LAMP2: variants seen among roughly 807,000 people sequenced by gnomAD.
The protein encoded by LAMP2 is lysosome associated membrane protein 2, also known as lysosome-associated membrane glycoprotein 2.
In LAMP2, 4 loss-of-function variants were observed where a neutral mutation model predicts 25.6. The ratio of observed to expected loss-of-function variants is 0.16; its 90% CI spans 0.08 to 0.36. The LOEUF is 0.36. Ranked by LOEUF, LAMP2 falls within the 10% of genes least tolerant of loss-of-function variation. LAMP2 has a pLI of 1.00. For synonymous variants in LAMP2, 108 were observed against 112.7 expected (o/e 0.96, Z 0.27); for missense variants, 272 against 301.4 (o/e 0.90, Z 0.72).
chrX:120,464,161 T>A (rs1204090520), intron 1 of LAMP2, among the ~76,000 whole-genome samples: 1 of 111,675 alleles, frequency 9.0e-6, no homozygotes, highest in East Asian at 2.8e-4. Flanking sequence ...CGGAGGTATA[T>A]CTGAAGGAGT....
At chrX:120,446,775 T>C (rs954667070) in intron 5 of LAMP2, among the ~76,000 whole-genome samples, 2 of 111,576 alleles carry the variant, frequency 1.8e-5, no homozygotes, top group East Asian at 2.8e-4. Context: ...GAGTGGAACA[T>C]TGCAACTAGA....
chrX:120,430,198 T>A lies in LAMP2; in HGVS notation c.*1125A>T. 1 of 754,011 alleles carries A rather than the reference T, an allele frequency of 1.3e-6. No individual in the cohort carries two copies. The highest frequency in any genetic ancestry group is 1.6e-6 in the Non-Finnish European group (1 of 638,715). The allele number at this position is 754,011 out of a possible 1,213,427, so 62.1% of individuals were successfully genotyped here. On this transcript the variant is annotated 3_prime_UTR_variant, in exon 9 of 9. Coordinates refer to ENST00000200639, the MANE Select transcript of LAMP2 (RefSeq NM_002294.3). ...TAGTCTATTAAGCCTTCCTTCTTTA[T>A]CTATGTTTCATGTCTGTGCTACTCT...
chrX:120,465,657 T>C (rs1569373498), intron 1 of LAMP2, among the ~76,000 whole-genome samples: 1 of 111,945 alleles, frequency 8.9e-6, no homozygotes, highest in Non-Finnish European at 1.9e-5. Context: ...AGTTATAAAG[T>C]TACAAAGTCA....
Position 120,427,304 on chromosome X carries a change from G to A in LAMP2, c.*4019C>T, listed in dbSNP as rs1430103377. On this transcript the variant is annotated 3_prime_UTR_variant, in exon 9 of 9. Transcript: ENST00000200639. ...GTACAAAGCAGCCATTTGAACCCTA[G>A]ACAACTTCAACACTGCTTCCAAATA... Among the ~76,000 whole-genome samples the A allele has an allele frequency of 9.0e-6, 1 of 111,313 alleles. No individual in the cohort carries two copies. The highest frequency in any genetic ancestry group is 3.8e-4 in the South Asian group (1 of 2,661).
At chrX:120,446,225 C>A in intron 6 of LAMP2, 80 bp downstream of exon 6, 1 of 932,577 alleles carries the variant, frequency 1.1e-6, no homozygotes, top group Non-Finnish European at 1.5e-6. Context: ...CTAAATACCC[C>A]CCTCCCCCCA....
At chrX:120,441,242 G>C (rs73639312) in intron 8 of LAMP2, among the ~76,000 whole-genome samples, 8,251 of 111,861 alleles carry the variant, frequency 0.074, 728 homozygotes, top group African/African-American at 0.25. Context: ...TTCAAAAAGC[G>C]TCATTCACAC....
rs757173953 is a variant in LAMP2 at position 120,431,199 on chromosome X, GGATT to G, written c.*120_*123del. Reference sequence around the variant, plus strand: ...AATAAAGACTGATCTCAAAATGCTGGGATTGATAAAAGAATTAAAGTTTCAACAT... The same window carrying G: ...AATAAAGACTGATCTCAAAATGCTGGGATAAAAGAATTAAAGTTTCAACAT... On this transcript the variant is annotated 3_prime_UTR_variant, in exon 9 of 9. Transcript: ENST00000200639. 2.5e-6 allele frequency: 3 copies of G among 1,176,914 alleles called. No homozygotes were observed. Among genetic ancestry groups the G allele is most frequent in the African/African-American group, 1.8e-5 (1 of 56,140 alleles).
intron 8 of LAMP2, among the ~76,000 whole-genome samples, chrX:120,436,164 ACACACACTCTCT>A (rs1228576636): frequency 2.3e-5 from 2 of 85,695 alleles, no homozygotes; most frequent in East Asian, 7.5e-4. Context: ...ACACACACAC[ACACACACTCTCT>A]CTCTCTCTCT....
intron 8 of LAMP2, among the ~76,000 whole-genome samples, chrX:120,434,200 T>C (rs2058533470): frequency 1.8e-5 from 2 of 112,203 alleles, no homozygotes; most frequent in African/African-American, 6.5e-5. Context: ...AGTAGATTAA[T>C]TTCTTATTCT....
intron 1 of LAMP2, among the ~76,000 whole-genome samples, chrX:120,464,201 G>A (rs915082442): frequency 2.7e-5 from 3 of 111,372 alleles, no homozygotes; most frequent in East Asian, 2.8e-4. Flanking sequence ...TATTATATGG[G>A]ATTATACATT....
intron 3 of LAMP2, among the ~76,000 whole-genome samples, chrX:120,450,758 AAC>A (rs971613008): frequency 2.7e-5 from 3 of 110,946 alleles, no homozygotes; most frequent in African/African-American, 9.8e-5. Flanking sequence ...TCAAAAAAGT[AAC>A]ACAAACATTA....
rs748245402 is a variant in LAMP2, at chrX:120,437,125, C to A, written c.1093+4605G>T. 134 of 745,888 alleles carry A rather than the reference C, an allele frequency of 1.8e-4. No individual in the cohort carries two copies. The African/African-American group carries it at 3.0e-3, about 16-fold the overall frequency. 61.5% of individuals were successfully genotyped at this position (745,888 alleles called of 1,213,427 possible). On this transcript the variant is annotated intron_variant, in intron 8 of 8. Transcript: ENST00000200639. ...TAAGAAGTGTTTTAAGCTGGTAATGCAGCTCGCTGTAGCTCTAAGAGAGGG... is the reference window on the plus strand; with the variant it reads ...TAAGAAGTGTTTTAAGCTGGTAATGAAGCTCGCTGTAGCTCTAAGAGAGGG...
At chrX:120,457,768 A>G (rs1339565126) in intron 1 of LAMP2, among the ~76,000 whole-genome samples, 1 of 112,808 alleles carries the variant, frequency 8.9e-6, no homozygotes, top group East Asian at 2.8e-4. Flanking sequence ...TCTTCACTGT[A>G]TCACACATTA....
chrX:120,446,575 A>T (rs1169328274), intron 5 of LAMP2, 148 bp from the exon 6 acceptor site: 30 of 604,976 alleles, frequency 5.0e-5, no homozygotes, highest in Non-Finnish European at 8.1e-5. Flanking sequence ...TTCACTTTCA[A>T]ACAAAGTTGG....
At chrX:120,456,797 T>A in intron 1 of LAMP2, 28 bp from the exon 2 acceptor site, 4 of 856,881 alleles carry the variant, frequency 4.7e-6, no homozygotes, top group Non-Finnish European at 6.7e-6. Flanking sequence ...AATAATATTT[T>A]AAAATTGTAC....
Position 120,426,308 on chromosome X carries a change from T to G in LAMP2, c.*5015A>C, listed in dbSNP as rs1412417057. Among the ~76,000 whole-genome samples, 1 of 105,541 alleles carries G rather than the reference T, an allele frequency of 9.5e-6. No homozygotes were observed. Among genetic ancestry groups the G allele is most frequent in the Non-Finnish European group, 1.9e-5 (1 of 51,432 alleles). The allele number at this position is 105,541 out of a possible 115,157, so 91.6% of individuals were successfully genotyped here. On this transcript the variant is annotated 3_prime_UTR_variant, in exon 9 of 9. Transcript: ENST00000200639. Reference sequence around the variant, plus strand: ...TTTAGTTAGCAGCAAGCATCAGTTCTTCCAAAGCAGCTTAGGTGAAAAACA... The same window carrying G: ...TTTAGTTAGCAGCAAGCATCAGTTCGTCCAAAGCAGCTTAGGTGAAAAACA...
rs747959447 is a variant in LAMP2 at position 120,429,328 on chromosome X, C to T, written c.*1995G>A. On this transcript the variant is annotated 3_prime_UTR_variant, in exon 9 of 9. Transcript: ENST00000200639. ...GATTCAGACAGAACTGTGTTTAAAT[C>T]TTGACTCCTTCCAGTACTAGCCAAA... 5 of 691,097 alleles carry T rather than the reference C, an allele frequency of 7.2e-6. No homozygotes were observed. In the African/African-American group the frequency reaches 1.8e-4, roughly 25 times the overall value. 57.0% of individuals were successfully genotyped at this position (691,097 alleles called of 1,213,427 possible).
Position 120,430,478 on chromosome X carries a change from A to G in LAMP2, c.*845T>C. The G allele has an allele frequency of 1.3e-6, 1 of 750,737 alleles. No homozygotes were observed. The highest frequency in any genetic ancestry group is 1.6e-6 in the Non-Finnish European group (1 of 635,817). 61.9% of individuals were successfully genotyped at this position (750,737 alleles called of 1,213,427 possible). A position where few individuals can be genotyped will look rare whatever the true frequency, so the allele number is the denominator to read the frequency against. Reference sequence around the variant, plus strand: ...AAGATGAGGTAGAGAAACACAACACAATCTGTCCTAATTAGTTCATAGAAT... The same window carrying G: ...AAGATGAGGTAGAGAAACACAACACGATCTGTCCTAATTAGTTCATAGAAT... On this transcript the variant is annotated 3_prime_UTR_variant, in exon 9 of 9. Coordinates refer to ENST00000200639, the MANE Select transcript of LAMP2 (RefSeq NM_002294.3).
At chrX:120,466,518 T>A (rs991689106) in intron 1 of LAMP2, among the ~76,000 whole-genome samples, 7 of 111,418 alleles carry the variant, frequency 6.3e-5, no homozygotes, top group Non-Finnish European at 1.1e-4. Flanking sequence ...CAATTAAGTA[T>A]TCAAGCAAAG....
Sources: allele counts gnomAD v4.1 joint callset (sites outside exome capture counted in the v4.1 genomes callset), GRCh38; gene constraint gnomAD v4.1.1; transcripts MANE v1.5; gene names NCBI Gene and HGNC (gene_info 2026-07-23, HGNC 2026-07-21).